DNAH10: variants seen among roughly 807,000 people sequenced by gnomAD.
The protein encoded by DNAH10 is dynein axonemal heavy chain 10.
In DNAH10, 348 loss-of-function variants were observed where a neutral mutation model predicts 506.6. The observed-to-expected ratio is 0.69, with a 90% CI of 0.63 to 0.75. The LOEUF is 0.75. Among genes scored for constraint, DNAH10 ranks in the 30% least tolerant of loss-of-function variants. DNAH10 has a pLI of 0.00. For missense variants in DNAH10, 5,179 were observed against 5,787.1 expected, an observed-to-expected ratio of 0.89 and a Z score of 3.41; for synonymous variants, 2,059 against 2,198.6, an observed-to-expected ratio of 0.94 and a Z score of 1.78.
chr12:123,802,102 C>T (rs146222094), intron 16 of DNAH10, among the ~76,000 whole-genome samples: 23 of 152,344 alleles, frequency 1.5e-4, no homozygotes, highest in African/African-American at 2.4e-4. Flanking sequence ...GCATACCCCA[C>T]GGTATCAATG....
rs1018646580 is a variant in DNAH10, at chr12:123,857,141, C to T, written c.6524C>T (p.Ser2175Leu). ...GTTCCTCTTTTCCTTGGTTTGATTT[C>T]GGATCTGTTTCCTGGGCTGGACTGC... is the stretch of plus-strand genomic sequence containing the variant. ...EDVPLFLGLI[S>L]DLFPGLDCPR... Residue 2175 changes from serine to leucine, a missense_variant, in exon 37 of 79, where the codon TCG becomes TTG. By Grantham distance (145) the Ser-to-Leu change is moderately radical (BLOSUM62 -2). This residue lies in a region of DNAH10 where 4,844 missense variants were observed against 5,430.5 expected (regional missense o/e 0.89). Transcript: ENST00000673944. 1.2e-5 allele frequency: 19 copies of T among 1,611,868 alleles called. No individual in the cohort carries two copies. Among genetic ancestry groups the T allele is most frequent in the Admixed American group, 3.4e-5 (2 of 59,656 alleles).
Position 123,856,376 on chromosome 12 carries a change from G to A in DNAH10, c.6439-680G>A, listed in dbSNP as rs112189360. On this transcript the variant is annotated intron_variant, in intron 36 of 78. Transcript: ENST00000673944. ...TTTTTCGAGACAGAGTTTCACTCTT[G>A]TCACGCCAGGAGTACGATGGCGCAA... is the stretch of plus-strand genomic sequence containing the variant. 2.0e-5 allele frequency among the ~76,000 whole-genome samples: 3 copies of A among 150,340 alleles called. No homozygotes were observed. In the East Asian group the frequency reaches 5.8e-4, roughly 29 times the overall value.
chr12:123,897,687 T>G, intron 54 of DNAH10, 83 bp from the exon 55 acceptor site: 1 of 1,462,884 alleles, frequency 6.8e-7, no homozygotes, highest in East Asian at 2.4e-5. Flanking sequence ...ATCACGCCAC[T>G]GCACTCCAGC....
chr12:123,881,527 G>C (rs572188717), intron 50 of DNAH10, 98 bp from the exon 51 acceptor site: 63 of 1,242,042 alleles, frequency 5.1e-5, no homozygotes, highest in Non-Finnish European at 6.4e-5. Flanking sequence ...ATTTGTTTAA[G>C]TTCTTTGTAG....
At position 123,931,398 on chromosome 12, in the gene DNAH10, A is replaced by G. The variant is rs1309714150; in HGVS notation, c.12842A>G (p.Asn4281Ser). Reference sequence around the variant, plus strand: ...CCAGAAGTGTTTGGTCTCCACCCCAACGCTGAGATTGGCTATTACACGCAG... The same window carrying G: ...CCAGAAGTGTTTGGTCTCCACCCCAGCGCTGAGATTGGCTATTACACGCAG... ...NTPEVFGLHP[N>S]AEIGYYTQAA... The change falls in exon 74 of 79, where the codon AAC becomes AGC. Residue 4281 changes from asparagine to serine, a missense_variant. Transcript: ENST00000673944. 8.1e-6 allele frequency: 13 copies of G among 1,613,798 alleles called. No homozygotes were observed. The highest frequency in any genetic ancestry group is 1.0e-5 in the Non-Finnish European group (12 of 1,179,888).
At chr12:123,894,836 G>A in intron 54 of DNAH10, 113 bp downstream of exon 54, 1 of 914,726 alleles carries the variant, frequency 1.1e-6, no homozygotes, top group Non-Finnish European at 1.7e-6. Context: ...AAACCCTATG[G>A]TAACAAATGG....
chr12:123,918,710 C>T lies in DNAH10; in HGVS notation c.11267C>T (p.Ala3756Val), dbSNP rs746200656. ...AAACTCAAGCTGGCGGAGAAGACAG[C>T]CTTGGACATCGACAGGCTGCGGGAT... ...SEKLKLAEKT[A>V]LDIDRLRDGY... The change falls in exon 65 of 79, where the codon GCC (alanine) becomes GTC (valine). Residue 3756 changes from alanine to valine, a missense_variant. Physicochemically the swap from Ala to Val is moderately conservative, Grantham distance 64. Transcript: ENST00000673944. 5.0e-6 allele frequency: 8 copies of T among 1,585,654 alleles called. No homozygotes were observed. Among genetic ancestry groups the T allele is most frequent in the African/African-American group, 1.3e-5 (1 of 74,334 alleles).
intron 1 of DNAH10, among the ~76,000 whole-genome samples, chr12:123,763,817 C>T (rs1407669312): frequency 1.3e-5 from 2 of 151,532 alleles, no homozygotes; most frequent in East Asian, 3.9e-4. Context: ...CCCGCCTCGG[C>T]CTCCCAAAGT....
intron 26 of DNAH10, among the ~76,000 whole-genome samples, chr12:123,831,050 T>A (rs1205746934): frequency 6.6e-5 from 10 of 152,226 alleles, no homozygotes. Context: ...TTAATTAAAT[T>A]TTTTGTTGTT....
chr12:123,821,050 G>A (rs1959351301), intron 24 of DNAH10, among the ~76,000 whole-genome samples: 1 of 152,170 alleles, frequency 6.6e-6, no homozygotes, highest in Non-Finnish European at 1.5e-5. Context: ...AGGAGTTCGA[G>A]GTCAGTCTGG....
rs762655728 is a variant in DNAH10, at chr12:123,850,948, G to A, written c.6163G>A (p.Gly2055Ser). 4.3e-6 allele frequency: 7 copies of A among 1,613,986 alleles called. No individual in the cohort carries two copies. Among genetic ancestry groups the A allele is most frequent in the East Asian group, 2.2e-5 (1 of 44,864 alleles). ...RMGIFITMNP[G>S]YAGRTELPES... ...GGGCATCTTCATCACCATGAACCCC[G>A]GCTACGCAGGCCGCACGGAGCTGCC... The change falls in exon 35 of 79, where the codon GGC (glycine) becomes AGC (serine). Residue 2055 changes from glycine (G) to serine (S), a missense_variant. Around this residue, in one of 3 missense-constraint regions of DNAH10, gnomAD observed 4,844 missense variants for 5,430.5 expected, o/e 0.89. Transcript: ENST00000673944. The surrounding 1 kb of genome is among the most constrained non-coding windows in gnomAD (Gnocchi z 5.5).
rs1389933791 is a variant in DNAH10 at position 123,887,329 on chromosome 12, G to A, written c.8995+16G>A. ...CTGACCTCAGGTACAGCCAAGGCTGGCGCCCGCTGTGGCCAACACCCCGCT... is the reference window on the plus strand; with the variant it reads ...CTGACCTCAGGTACAGCCAAGGCTGACGCCCGCTGTGGCCAACACCCCGCT... On this transcript the variant is annotated intron_variant, in intron 52 of 78. Coordinates refer to ENST00000673944, the MANE Select transcript of DNAH10 (RefSeq NM_001372106.1). 6.2e-7 allele frequency: 1 copy of A among 1,609,578 alleles called. No individual in the cohort carries two copies. The highest frequency in any genetic ancestry group is 2.2e-5 in the East Asian group (1 of 44,842).
intron 5 of DNAH10, 77 bp downstream of exon 5, chr12:123,774,341 A>G (rs889814350): frequency 5.6e-6 from 6 of 1,079,972 alleles, no homozygotes; most frequent in African/African-American, 1.6e-5. Flanking sequence ...ACAAATAGGT[A>G]GCGGGCAGCT....
chr12:123,807,453 G>A (rs974872130), intron 18 of DNAH10, among the ~76,000 whole-genome samples: 8 of 152,126 alleles, frequency 5.3e-5, no homozygotes, highest in South Asian at 2.1e-4. Flanking sequence ...GAAAGACCCC[G>A]GAAATTCCAC....
intron 11 of DNAH10, among the ~76,000 whole-genome samples, chr12:123,792,134 T>G (rs932016946): frequency 1.3e-5 from 2 of 152,248 alleles, no homozygotes; most frequent in Non-Finnish European, 2.9e-5. Context: ...TTAGTTAAAT[T>G]AATGACTAGT....
In DNAH10 at chr12:123,781,217, T is replaced by C. The variant is rs758655753; in HGVS notation, c.759T>C (p.Ser253=). 1.9e-6 allele frequency: 3 copies of C among 1,614,002 alleles called. No individual in the cohort carries two copies. The highest frequency in any genetic ancestry group is 2.7e-5 in the African/African-American group (2 of 74,910). The change falls in exon 6 of 79, where the codon AGT becomes AGC. Residue 253 remains serine, a synonymous_variant. Transcript: ENST00000673944. ...PMPGEAVEYH[S]IQLIRDEFLM... is the part of the protein sequence containing the mutation. ...CTGGGGAGGCAGTAGAATATCACAG[T>C]ATTCAATTAATACGGGATGAATTTT...
rs1378921647 is a variant in DNAH10, at chr12:123,931,448, C to A, written c.12892C>A (p.Leu4298Met). 6.2e-7 allele frequency: 1 copy of A among 1,613,890 alleles called. No homozygotes were observed. Among genetic ancestry groups the A allele is most frequent in the Non-Finnish European group, 8.5e-7 (1 of 1,179,818 alleles). Residue 4298 changes from leucine (L) to methionine (M), a missense_variant, in exon 74 of 79, where the codon CTG becomes ATG. Around this residue, in one of 3 missense-constraint regions of DNAH10, gnomAD observed 4,844 missense variants for 5,430.5 expected, o/e 0.89. Transcript: ENST00000673944. ...GGCGGCTCGAGACATGTGGGCTCAC[C>A]TGCTGGAGCTGCAGCCTCAGACAGG... ...TQAARDMWAHLLELQPQTGES... is the reference protein window; with the variant it reads ...TQAARDMWAHMLELQPQTGES...
Position 123,790,100 on chromosome 12 carries a change from T to C in DNAH10, c.1794T>C (p.Asp598=). The change falls in exon 11 of 79, where the codon GAT becomes GAC. Residue 598 remains aspartate (D), a synonymous_variant. Transcript: ENST00000673944. ...KSSQFWKYVM[D]EFKIEVLVIE... ...CCCAGTTCTGGAAATATGTGATGGA[T>C]GAATTCAAGATTGAAGTTCTGGCAA... The C allele has an allele frequency of 6.2e-7, 1 of 1,614,164 alleles. No homozygotes were observed. The highest frequency in any genetic ancestry group is 8.5e-7 in the Non-Finnish European group (1 of 1,180,030).
Position 123,919,998 on chromosome 12 carries a change from T to C in DNAH10, c.11506+1049T>C, listed in dbSNP as rs1166899105. Among the ~76,000 whole-genome samples, 2 of 152,254 alleles carry C rather than the reference T, an allele frequency of 1.3e-5. No individual in the cohort carries two copies. The highest frequency in any genetic ancestry group is 6.5e-5 in the Admixed American group (1 of 15,288). ...ATCTAGAAAGGGAACTGCTGGGTCA[T>C]AGGGTAATTCTATGTCTAACTTTTG... On this transcript the variant is annotated intron_variant, in intron 65 of 78. Coordinates refer to ENST00000673944, the MANE Select transcript of DNAH10 (RefSeq NM_001372106.1). This position sits in a 1 kb window ranked among gnomAD's most constrained non-coding sequence, Gnocchi z 4.9.
Sources: gnomAD v4.1 joint callset for allele counts (sites outside exome capture counted in the v4.1 genomes callset) on GRCh38, gnomAD v4.1.1 for gene constraint, gnomAD v4.1.1 regional missense constraint, Gnocchi (gnomAD v3.1) non-coding constraint, MANE v1.5 for transcripts, NCBI Gene and HGNC (gene_info 2026-07-23, HGNC 2026-07-21) for gene names.